The following DIP2C variants were observed in gnomAD, a reference collection of about 807,000 sequenced individuals.
DIP2C encodes the protein disco-interacting protein 2 homolog C.
Under a neutral mutation model 192.4 loss-of-function variants are expected in DIP2C, and 33 were observed. The observed-to-expected ratio is 0.17, with a 90% CI of 0.13 to 0.23. The LOEUF (loss-of-function observed/expected upper bound fraction) is 0.23. DIP2C is among the 10% of genes least tolerant of loss of function. The pLI is 1.00. For synonymous variants in DIP2C, 979 were observed against 864.1 expected (o/e 1.13, Z -2.33); for missense variants, 1,537 against 2,110.1 (o/e 0.73, Z 5.32).
chr10:622,580 T>C (rs907928025), intron 1 of DIP2C, among the ~76,000 whole-genome samples: 1 of 152,184 alleles, frequency 6.6e-6, no homozygotes, highest in African/African-American at 2.4e-5. Context: ...TCATAGTTGA[T>C]ATCAGGGACC....
At chr10:293,405 G>A (rs1269314707) in intron 32 of DIP2C, among the ~76,000 whole-genome samples, 4 of 152,142 alleles carry the variant, frequency 2.6e-5, no homozygotes, top group Non-Finnish European at 5.9e-5. Flanking sequence ...TGAATGTGCC[G>A]CTGAAAAAAC....
At chr10:494,654 G>A (rs1194367820) in intron 1 of DIP2C, among the ~76,000 whole-genome samples, 1 of 152,164 alleles carries the variant, frequency 6.6e-6, no homozygotes, top group East Asian at 1.9e-4. Context: ...CATGAGAAAG[G>A]AAAGCTCAGA....
rs1223613424 is a variant in DIP2C at position 644,140 on chromosome 10, TAC to T, written c.85+45352_85+45353del. On this transcript the variant is annotated intron_variant, in intron 1 of 36. Transcript: ENST00000280886. ...CTAAAAAAGAGAAGAGACTGGGAGTTACACATCAGCTTGCCAAGGCTGTCCTG... is the reference window on the plus strand; with the variant it reads ...CTAAAAAAGAGAAGAGACTGGGAGTTACATCAGCTTGCCAAGGCTGTCCTG... Among the ~76,000 whole-genome samples the T allele has an allele frequency of 1.5e-4, 23 of 152,320 alleles. 1 individual carries two copies. Among genetic ancestry groups the T allele is most frequent in the Admixed American group, 1.4e-3 (22 of 15,300 alleles).
intron 4 of DIP2C, among the ~76,000 whole-genome samples, chr10:424,382 T>TTTTTTTTATTTTTTG (rs1388302720): frequency 9.9e-6 from 1 of 101,362 alleles, no homozygotes. Flanking sequence ...TTTTTTTTTT[T>TTTTTTTTATTTTTTG]TGAGACAGAG....
intron 1 of DIP2C, among the ~76,000 whole-genome samples, chr10:499,524 G>A (rs1845081813): frequency 6.6e-6 from 1 of 152,230 alleles, no homozygotes; most frequent in Non-Finnish European, 1.5e-5. Flanking sequence ...CAGGTGAGAG[G>A]GAGGTGTGCG....
intron 17 of DIP2C, 113 bp downstream of exon 17, chr10:382,534 G>C (rs1480977203): frequency 2.7e-6 from 2 of 750,520 alleles, no homozygotes; most frequent in Non-Finnish European, 2.3e-6. Flanking sequence ...GAAAGGTTAG[G>C]TCCCGTTTTC....
chr10:426,477 C>CT (rs1356058529), intron 4 of DIP2C, among the ~76,000 whole-genome samples: 1 of 152,284 alleles, frequency 6.6e-6, no homozygotes, highest in Admixed American at 6.5e-5. Flanking sequence ...TCCCAGAAGG[C>CT]TTTGTGTGTG....
intron 1 of DIP2C, among the ~76,000 whole-genome samples, chr10:687,687 T>C (rs1831384749): frequency 6.6e-6 from 1 of 152,226 alleles, no homozygotes; most frequent in African/African-American, 2.4e-5. Flanking sequence ...TTTGCCATCA[T>C]CTGGGCAGCA....
chr10:663,418 A>C (rs1008500441), intron 1 of DIP2C: 5 of 152,822 alleles, frequency 3.3e-5, no homozygotes, highest in African/African-American at 1.2e-4. Context: ...GTGTCTTTAA[A>C]AAGGGAGATC....
At chr10:528,067 G>A (rs1847160193) in intron 1 of DIP2C, among the ~76,000 whole-genome samples, 1 of 152,132 alleles carries the variant, frequency 6.6e-6, no homozygotes. Context: ...CAGGTGTCTG[G>A]AAGGAACCTG....
At chr10:545,677 C>A (rs916397633) in intron 1 of DIP2C, among the ~76,000 whole-genome samples, 1 of 152,178 alleles carries the variant, frequency 6.6e-6, no homozygotes, top group East Asian at 1.9e-4. Context: ...GTGTCTGTTA[C>A]GGTACCCAGC....
chr10:671,276 G>A (rs1371058635), intron 1 of DIP2C, among the ~76,000 whole-genome samples: 2 of 152,266 alleles, frequency 1.3e-5, no homozygotes, highest in East Asian at 1.9e-4. Flanking sequence ...ACAGGCCACA[G>A]GCTCACAGAC....
At chr10:327,243 C>T in intron 30 of DIP2C, 67 bp from the exon 31 acceptor site, 1 of 1,535,130 alleles carries the variant, frequency 6.5e-7, no homozygotes, top group Non-Finnish European at 8.8e-7. Flanking sequence ...CCAGAGACTC[C>T]TTCCCACAGA....
chr10:654,152 G>A (rs887702878), intron 1 of DIP2C, among the ~76,000 whole-genome samples: 7 of 152,232 alleles, frequency 4.6e-5, no homozygotes, highest in African/African-American at 1.7e-4. Flanking sequence ...GCAGCACGCA[G>A]GGAGGTGCAT....
chr10:314,944 T>C (rs1158496996), intron 31 of DIP2C, among the ~76,000 whole-genome samples: 1 of 152,226 alleles, frequency 6.6e-6, no homozygotes, highest in Non-Finnish European at 1.5e-5. Flanking sequence ...CCACAGTTCA[T>C]TTACTTTTCA....
intron 17 of DIP2C, among the ~76,000 whole-genome samples, chr10:375,165 G>A (rs1043056442): frequency 1.3e-5 from 2 of 152,244 alleles, no homozygotes; most frequent in Non-Finnish European, 2.9e-5. Context: ...GTTGAAATGT[G>A]ACGTCCAACA....
intron 1 of DIP2C, among the ~76,000 whole-genome samples, chr10:560,655 T>C (rs1315712405): frequency 6.6e-6 from 1 of 152,206 alleles, no homozygotes; most frequent in Non-Finnish European, 1.5e-5. Flanking sequence ...AAATATTAAT[T>C]ACCACACGGG....
intron 2 of DIP2C, among the ~76,000 whole-genome samples, chr10:482,808 T>G (rs886395059): frequency 5.9e-5 from 9 of 152,298 alleles, no homozygotes; most frequent in African/African-American, 1.9e-4. Flanking sequence ...TGCCAGGCAG[T>G]GGATTTTATT....
At chr10:586,473 C>T (rs1851032518) in intron 1 of DIP2C, among the ~76,000 whole-genome samples, 1 of 129,932 alleles carries the variant, frequency 7.7e-6, no homozygotes, top group African/African-American at 4.5e-5. Flanking sequence ...CAGAGGCCAC[C>T]CCAGGCAGAC....
Sources: allele counts gnomAD v4.1 joint callset (sites outside exome capture counted in the v4.1 genomes callset), GRCh38; gene constraint gnomAD v4.1.1; transcripts MANE v1.5; gene names NCBI Gene and HGNC (gene_info 2026-07-23, HGNC 2026-07-21).